The following TRIQK variants were observed in gnomAD, a reference collection of about 807,000 sequenced individuals.
TRIQK encodes triple QxxK/R motif containing, also known as triple QxxK/R motif-containing protein.
In TRIQK, 10 loss-of-function variants were observed where a neutral mutation model predicts 10.8. That is an observed-to-expected ratio of 0.92 (90% CI 0.57 to 1.57). The LOEUF is 1.57. Ranked by LOEUF, TRIQK falls within the 40% of genes most tolerant of loss-of-function variation. The probability of loss-of-function intolerance (pLI) is 0.00; values close to 1 mark genes in which losing one functional copy is unlikely to be tolerated. For synonymous variants in TRIQK, 33 were observed against 33.7 expected (o/e 0.98, Z 0.07); for missense variants, 107 against 97.7 (o/e 1.09, Z -0.40).
chr8:92,995,195 T>C (rs1276529770), intron 1 of TRIQK, among the ~76,000 whole-genome samples: 1 of 152,048 alleles, frequency 6.6e-6, no homozygotes, highest in Admixed American at 6.5e-5. Flanking sequence ...CTTTGCTAGG[T>C]ATAGAATTTT....
intron 3 of TRIQK, among the ~76,000 whole-genome samples, chr8:92,913,336 G>C (rs1456560251): frequency 1.3e-5 from 2 of 151,946 alleles, no homozygotes; most frequent in African/African-American, 4.8e-5. Flanking sequence ...CTCAAAAGAA[G>C]ACATTTATGT....
chr8:93,003,461 A>G (rs1229172427), intron 1 of TRIQK, among the ~76,000 whole-genome samples: 3 of 151,912 alleles, frequency 2.0e-5, no homozygotes, highest in Admixed American at 1.3e-4. Flanking sequence ...CACTCCCACT[A>G]TTTCCCTCCC....
intron 2 of TRIQK, chr8:92,953,489 C>T (rs1206049744): frequency 1.3e-5 from 2 of 151,916 alleles, no homozygotes; most frequent in African/African-American, 2.4e-5. Flanking sequence ...TTTGGATGGT[C>T]ATCAGGTAAG....
In TRIQK at chr8:92,884,808, TAACTA is replaced by T. The variant is rs1264173944; in HGVS notation, c.*1809_*1813del. 6.6e-6 allele frequency: 3 copies of T among 454,210 alleles called. No individual in the cohort carries two copies. The highest frequency in any genetic ancestry group is 1.3e-5 in the Non-Finnish European group (3 of 226,310). The allele number at this position is 454,210 out of a possible 1,614,324, so 28.1% of individuals were successfully genotyped here. A position where few individuals can be genotyped will look rare whatever the true frequency, so the allele number is the denominator to read the frequency against. On this transcript the variant is annotated 3_prime_UTR_variant, in exon 5 of 5. Transcript: ENST00000521988. ...TTTTAACACCATATGGAACGGGAAA[TAACTA>T]AATGAAAATTGTTCACGTAAATGTG...
At chr8:92,955,626 A>T (rs896247280) in intron 1 of TRIQK, among the ~76,000 whole-genome samples, 6 of 151,826 alleles carry the variant, frequency 4.0e-5, no homozygotes, top group Non-Finnish European at 8.9e-5. Context: ...TGACCAAAAA[A>T]GTGCAAAGAC....
intron 2 of TRIQK, among the ~76,000 whole-genome samples, chr8:92,949,307 T>C (rs1811709080): frequency 6.6e-6 from 1 of 152,164 alleles, no homozygotes; most frequent in African/African-American, 2.4e-5. Context: ...TTTGATCCTT[T>C]TTGGTGATTA....
chr8:92,967,821 CAAAAAA>C (rs34531122), upstream of TRIQK, among the ~76,000 whole-genome samples: 2 of 82,344 alleles, frequency 2.4e-5, no homozygotes. Flanking sequence ...GACTCCATCT[CAAAAAA>C]AAAAAAAAAA....
Position 92,886,558 on chromosome 8 carries a change from A to C in TRIQK, c.*64T>G. On this transcript the variant is annotated 3_prime_UTR_variant, in exon 5 of 5. Transcript: ENST00000521988. ...AAGATGTTACAGTTTCAGTATTGAA[A>C]GTTTTGGTCCCAAAAGGTGCTTTCG... The C allele has an allele frequency of 1.1e-6, 1 of 912,500 alleles. No homozygotes were observed. The highest frequency in any genetic ancestry group is 1.6e-6 in the Non-Finnish European group (1 of 613,424). 56.5% of individuals were successfully genotyped at this position (912,500 alleles called of 1,614,324 possible). A position where few individuals can be genotyped will look rare whatever the true frequency, so the allele number is the denominator to read the frequency against.
At chr8:92,922,286 T>A (rs766570841) in intron 2 of TRIQK, 27 of 151,980 alleles carry the variant, frequency 1.8e-4, no homozygotes, top group Non-Finnish European at 2.8e-4. Context: ...CCTATTTGCA[T>A]AGTATTTTGC....
intron 1 of TRIQK, among the ~76,000 whole-genome samples, chr8:92,978,376 T>C (rs1199373715): frequency 6.6e-6 from 1 of 152,180 alleles, no homozygotes; most frequent in Non-Finnish European, 1.5e-5. Flanking sequence ...CATTGTTTAA[T>C]AGATGTTGTC....
chr8:92,949,671 GGAAA>G (rs375957646), intron 2 of TRIQK, among the ~76,000 whole-genome samples: 32,258 of 62,272 alleles, frequency 0.52, 9,586 homozygotes, highest in South Asian at 0.62. Context: ...AGAAAGAGAA[GGAAA>G]GAAAGAAAGA....
chr8:92,935,153 G>T (rs1810918869), intron 2 of TRIQK, among the ~76,000 whole-genome samples: 1 of 151,618 alleles, frequency 6.6e-6, no homozygotes, highest in Non-Finnish European at 1.5e-5. Flanking sequence ...TCAAAGTTCT[G>T]CTTGATAGTT....
chr8:92,949,565 G>GAAAGA (rs1563654738), intron 2 of TRIQK, among the ~76,000 whole-genome samples: 13 of 140,216 alleles, frequency 9.3e-5, no homozygotes, highest in African/African-American at 3.2e-4. Context: ...GGAAGGAAAG[G>GAAAGA]GAAGGAAAGA....
chr8:92,898,165 A>T (rs1233483940), intron 3 of TRIQK, among the ~76,000 whole-genome samples: 1 of 152,190 alleles, frequency 6.6e-6, no homozygotes, highest in Non-Finnish European at 1.5e-5. Context: ...CCACAGAGAA[A>T]GGGCTCTTCA....
upstream of TRIQK, among the ~76,000 whole-genome samples, chr8:92,967,320 C>A (rs557783200): frequency 1.3e-5 from 2 of 151,860 alleles, no homozygotes; most frequent in Non-Finnish European, 2.9e-5. Flanking sequence ...TACCTCTGGA[C>A]AAGTGCCTTG....
rs182240684 is a variant in TRIQK, at chr8:92,959,363, T to G, written c.-180-4799A>C. On this transcript the variant is annotated intron_variant, in intron 1 of 4. Transcript: ENST00000521988. The stretch of plus-strand genomic sequence containing the variant: ...TTAAATCTAGGTCGTTCTTATTGAA[T>G]TAATTGTGTAGTATTATCTTCTCAT... Among the ~76,000 whole-genome samples the G allele has an allele frequency of 2.5e-4, 38 of 152,108 alleles. 1 individual carries two copies. The East Asian group carries it at 7.1e-3, about 29-fold the overall frequency.
chr8:92,914,444 T>A (rs2130441382), intron 3 of TRIQK, among the ~76,000 whole-genome samples: 1 of 152,248 alleles, frequency 6.6e-6, no homozygotes, highest in Admixed American at 6.5e-5. Flanking sequence ...AATAAAAAGG[T>A]AATCTACAAA....
chr8:92,901,438 G>T (rs935742915), intron 3 of TRIQK, among the ~76,000 whole-genome samples: 1 of 151,976 alleles, frequency 6.6e-6, no homozygotes, highest in Non-Finnish European at 1.5e-5. Context: ...CAGTTTTTTT[G>T]AGGGGTTTTT....
intron 2 of TRIQK, among the ~76,000 whole-genome samples, chr8:92,945,523 T>G (rs754596370): frequency 2.2e-4 from 33 of 152,218 alleles, no homozygotes; most frequent in Non-Finnish European, 4.0e-4. Context: ...TAAATTATTT[T>G]TCTTCCTCAA....
Sources: allele counts gnomAD v4.1 joint callset (sites outside exome capture counted in the v4.1 genomes callset), GRCh38; gene constraint gnomAD v4.1.1; transcripts MANE v1.5; gene names NCBI Gene and HGNC (gene_info 2026-07-23, HGNC 2026-07-21).